IPPK: variants seen among roughly 807,000 people sequenced by gnomAD.
The protein encoded by IPPK is inositol-pentakisphosphate 2-kinase.
A neutral mutation model predicts 64.6 loss-of-function variants in IPPK; 22 were observed. The observed-to-expected ratio is 0.34, with a 90% CI of 0.24 to 0.49. IPPK has a LOEUF of 0.49. Among genes scored for constraint, IPPK ranks in the 20% least tolerant of loss-of-function variants. The pLI is 0.99. For synonymous variants in IPPK, 262 were observed against 247.2 expected (o/e 1.06, Z -0.56); for missense variants, 532 against 630.7 (o/e 0.84, Z 1.68).
chr9:92,652,188 G>A (rs1055796569), intron 4 of IPPK, among the ~76,000 whole-genome samples: 2 of 151,936 alleles, frequency 1.3e-5, no homozygotes, highest in African/African-American at 2.4e-5. Context: ...GGTGGCTCAC[G>A]CCTATAATCC....
intron 1 of IPPK, among the ~76,000 whole-genome samples, chr9:92,665,575 A>G (rs1852578080): frequency 6.6e-6 from 1 of 152,246 alleles, no homozygotes; most frequent in South Asian, 2.1e-4. Flanking sequence ...GGAAATTCAG[A>G]AAATATTTAA....
chr9:92,623,476 A>G (rs1851680542), intron 11 of IPPK, among the ~76,000 whole-genome samples: 1 of 152,136 alleles, frequency 6.6e-6, no homozygotes, highest in Non-Finnish European at 1.5e-5. Context: ...CATAGGCTAC[A>G]TAGTGGGAAA....
In IPPK at chr9:92,648,161, CAAAT is replaced by C; in HGVS notation, c.415-17_415-14del. ...ACCCACATTTTGGCTGTAAAATAAA[CAAAT>C]AAGGAGGAAAAATATTTAGGAAGAA... On this transcript the variant is annotated splice_polypyrimidine_tract_variant and intron_variant, in intron 5 of 12. Transcript: ENST00000287996. 1.3e-6 allele frequency: 2 copies of C among 1,594,730 alleles called. No homozygotes were observed. The highest frequency in any genetic ancestry group is 1.3e-5 in the African/African-American group (1 of 74,642).
rs1447331297 is a variant in IPPK at position 92,635,844 on chromosome 9, C to A, written c.917-536G>T. Among the ~76,000 whole-genome samples the A allele has an allele frequency of 1.3e-5, 2 of 151,954 alleles. No individual in the cohort carries two copies. Among genetic ancestry groups the A allele is most frequent in the Non-Finnish European group, 2.9e-5 (2 of 68,000 alleles). On this transcript the variant is annotated intron_variant, in intron 9 of 12. Coordinates refer to ENST00000287996, the MANE Select transcript of IPPK (RefSeq NM_022755.6). The surrounding 1 kb of genome is among the most constrained non-coding windows in gnomAD (Gnocchi z 4.4). ...CTGCTGACATCCTAAATCTGCAAGA[C>A]CACTAAAGGAGGAAAACCCTGGGAC...
At chr9:92,669,170 AC>A (rs1460009906) in intron 1 of IPPK, among the ~76,000 whole-genome samples, 2 of 147,666 alleles carry the variant, frequency 1.4e-5, no homozygotes, top group African/African-American at 5.0e-5. Context: ...CGCCTCCCTC[AC>A]CCCCCTCCCC....
chr9:92,670,052 CCTCG>C lies in IPPK; in HGVS notation c.-68_-65del. The C allele has an allele frequency of 8.0e-7, 1 of 1,251,084 alleles. No individual in the cohort carries two copies. The highest frequency in any genetic ancestry group is 1.1e-6 in the Non-Finnish European group (1 of 890,602). The allele number at this position is 1,251,084 out of a possible 1,614,324, so 77.5% of individuals were successfully genotyped here. A position where few individuals can be genotyped will look rare whatever the true frequency, so the allele number is the denominator to read the frequency against. On this transcript the variant is annotated 5_prime_UTR_variant, in exon 1 of 13. Transcript: ENST00000287996. ...GGGGACGCGAGCTGGGGGCCGCCCG[CCTCG>C]CTGGGAACCAGCCGCTGCGGTCGGG...
At chr9:92,638,364 G>T in intron 8 of IPPK, 84 bp from the exon 9 acceptor site, 1 of 1,493,568 alleles carries the variant, frequency 6.7e-7, no homozygotes, top group Non-Finnish European at 9.1e-7. Flanking sequence ...CAGCATCCCA[G>T]GCAGCGGGTG....
chr9:92,656,372 A>G (rs1362721546), intron 3 of IPPK, 84 bp downstream of exon 3: 3 of 884,416 alleles, frequency 3.4e-6, no homozygotes, highest in African/African-American at 1.6e-5. Flanking sequence ...ATCATTAAGC[A>G]CAAAGTTCCA....
In IPPK at chr9:92,634,563, C is replaced by T. The variant is rs1851903255; in HGVS notation, c.1068-75G>A. On this transcript the variant is annotated intron_variant, in intron 10 of 12. Coordinates refer to ENST00000287996, the MANE Select transcript of IPPK (RefSeq NM_022755.6). ...TGTTTCTTAAACTGCTAACAGTCTA[C>T]AAAGCCCAGCACCACTAAACATCAC... 7.1e-6 allele frequency: 7 copies of T among 980,706 alleles called. No individual in the cohort carries two copies. The South Asian group carries it at 9.1e-5, about 13-fold the overall frequency. 60.8% of individuals were successfully genotyped at this position (980,706 alleles called of 1,614,324 possible). A position where few individuals can be genotyped will look rare whatever the true frequency, so the allele number is the denominator to read the frequency against.
chr9:92,663,882 G>A (rs1452424646), intron 1 of IPPK, among the ~76,000 whole-genome samples: 1 of 152,236 alleles, frequency 6.6e-6, no homozygotes, highest in African/African-American at 2.4e-5. Flanking sequence ...AACTTTCATG[G>A]GAAGGGAAGA....
In IPPK at chr9:92,619,404, C is replaced by A; in HGVS notation, c.1250+82G>T. On this transcript the variant is annotated intron_variant, in intron 12 of 12. Coordinates refer to ENST00000287996, the MANE Select transcript of IPPK (RefSeq NM_022755.6). ...CATGGAGTCTCTAAATATGGGGAAA[C>A]CAACTATCCTATTAACAATTCACCA... The A allele has an allele frequency of 1.5e-5, 17 of 1,157,264 alleles. No homozygotes were observed. In the South Asian group the frequency reaches 2.2e-4, roughly 15 times the overall value. 71.7% of individuals were successfully genotyped at this position (1,157,264 alleles called of 1,614,324 possible). A position where few individuals can be genotyped will look rare whatever the true frequency, so the allele number is the denominator to read the frequency against.
At chr9:92,651,122 C>T (rs1852258991) in intron 4 of IPPK, among the ~76,000 whole-genome samples, 1 of 151,996 alleles carries the variant, frequency 6.6e-6, no homozygotes, top group Non-Finnish European at 1.5e-5. Flanking sequence ...GTTCCCGCCT[C>T]CCCAGCCTTT....
At chr9:92,651,283 A>G (rs906491157) in intron 4 of IPPK, among the ~76,000 whole-genome samples, 7 of 152,204 alleles carry the variant, frequency 4.6e-5, no homozygotes, top group Non-Finnish European at 7.3e-5. Flanking sequence ...GGGCAGAGGC[A>G]TTTCCACCCT....
At chr9:92,639,844 AGC>A (rs1852012173) in intron 8 of IPPK, among the ~76,000 whole-genome samples, 1 of 152,202 alleles carries the variant, frequency 6.6e-6, no homozygotes, top group South Asian at 2.1e-4. Flanking sequence ...CCCAGCAGCC[AGC>A]GCCATGGGTT....
At chr9:92,651,547 T>C (rs540357730) in intron 4 of IPPK, among the ~76,000 whole-genome samples, 1 of 152,338 alleles carries the variant, frequency 6.6e-6, no homozygotes, top group African/African-American at 2.4e-5. Context: ...GACAGCTCCC[T>C]GGGCTGCAGA....
intron 5 of IPPK, 148 bp from the exon 6 acceptor site, chr9:92,648,296 C>G: frequency 1.6e-6 from 1 of 640,724 alleles, no homozygotes; most frequent in South Asian, 1.9e-5. Context: ...CACCTCCCAG[C>G]GGGAACAACA....
chr9:92,620,264 G>C (rs1851586658), intron 11 of IPPK: 1 of 154,048 alleles, frequency 6.5e-6, no homozygotes, highest in South Asian at 2.0e-4. Context: ...CAAGCTATGT[G>C]GGTCTGTCCA....
At chr9:92,648,001 T>C in intron 6 of IPPK, 58 bp downstream of exon 6, 1 of 1,202,550 alleles carries the variant, frequency 8.3e-7, no homozygotes, top group Non-Finnish European at 1.2e-6. Context: ...TGTCCATGCC[T>C]CAGCCCAGAT....
At chr9:92,663,316 G>C (rs1852525796) in intron 1 of IPPK, among the ~76,000 whole-genome samples, 1 of 152,162 alleles carries the variant, frequency 6.6e-6, no homozygotes, top group African/African-American at 2.4e-5. Flanking sequence ...ATGCTGCGCG[G>C]GTCTGAGGAC....
Sources: allele counts gnomAD v4.1 joint callset (sites outside exome capture counted in the v4.1 genomes callset), GRCh38; gene constraint gnomAD v4.1.1; non-coding constraint Gnocchi (gnomAD v3.1); transcripts MANE v1.5; gene names NCBI Gene and HGNC (gene_info 2026-07-23, HGNC 2026-07-21).